Variants in AKAP9 observed in about 807,000 individuals in gnomAD.
AKAP9 encodes the protein A-kinase anchor protein 9.
Under a neutral mutation model 488.5 loss-of-function variants are expected in AKAP9, and 311 were observed. The observed-to-expected ratio is 0.64, with a 90% confidence interval of 0.58 to 0.70. The LOEUF (loss-of-function observed/expected upper bound fraction) is 0.70, where lower values mean the gene tolerates loss of function less well. AKAP9 is among the 30% of genes least tolerant of loss of function. AKAP9 has a pLI of 0.00. For missense variants in AKAP9, 4,215 were observed against 4,374.5 expected, an observed-to-expected ratio of 0.96 and a Z score of 1.03; for synonymous variants, 1,462 against 1,483.5, an observed-to-expected ratio of 0.99 and a Z score of 0.33.
intron 16 of AKAP9, among the ~76,000 whole-genome samples, chr7:92,034,688 T>C (rs1037129741): frequency 6.7e-6 from 1 of 150,168 alleles, no homozygotes. Context: ...TTTTTTTTTT[T>C]AGTAGAGATG....
In AKAP9 at chr7:92,032,523, A is replaced by G. The variant is rs551160526; in HGVS notation, c.4338+919A>G. Among the ~76,000 whole-genome samples, 7 of 151,914 alleles carry G rather than the reference A, an allele frequency of 4.6e-5. No individual in the cohort carries two copies. In the South Asian group the frequency reaches 1.2e-3, roughly 27 times the overall value. ...AAAAAAAAAAAAAAAAGATATATGTATATATGAACTATTGAATTATGAGTT... is the reference window on the plus strand; with the variant it reads ...AAAAAAAAAAAAAAAAGATATATGTGTATATGAACTATTGAATTATGAGTT... On this transcript the variant is annotated intron_variant, in intron 16 of 49. Transcript: ENST00000356239.
rs750350575 is a variant in AKAP9 at position 92,012,558 on chromosome 7, C to T, written c.3448C>T (p.Leu1150Phe). The change falls in exon 9 of 50, where the codon CTT becomes TTT. Residue 1150 changes from leucine to phenylalanine, a missense_variant. Physicochemically the swap from Leu to Phe is conservative, Grantham distance 22. Around this residue, in one of 5 missense-constraint regions of AKAP9, gnomAD observed 2,361 missense variants for 2,430.0 expected, o/e 0.97. Transcript: ENST00000356239. ...DKALCSLKEELIFAQEEKIKE... is the reference protein window; with the variant it reads ...DKALCSLKEEFIFAQEEKIKE... ...AGCTCTTTGCAGTCTTAAAGAAGAG[C>T]TTATTTTTGCTCAAGAGGAAAAGAT... is the stretch of plus-strand genomic sequence containing the variant. 1.4e-5 allele frequency: 23 copies of T among 1,613,648 alleles called. No individual in the cohort carries two copies. The East Asian group carries it at 4.7e-4, about 33-fold the overall frequency.
rs1265369157 is a variant in AKAP9 at position 92,003,035 on chromosome 7, A to G, written c.3118A>G (p.Lys1040Glu). 4 of 1,613,422 alleles carry G rather than the reference A, an allele frequency of 2.5e-6. No homozygotes were observed. Among genetic ancestry groups the G allele is most frequent in the Admixed American group, 3.3e-5 (2 of 59,952 alleles). ...TGAAGGATCAGTTTCTAAAGTAAAT[A>G]AAAGTTTTGGTGAAGAATCAAAAAT... ...GAEGSVSKVN[K>E]SFGEESKIMV... The change falls in exon 8 of 50, where the codon AAA (lysine) becomes GAA (glutamate). Residue 1040 changes from lysine to glutamate, a missense_variant. Lys to Glu is a moderately conservative substitution (Grantham distance 56, BLOSUM62 1). Transcript: ENST00000356239.
chr7:92,038,788 T>C lies in AKAP9; in HGVS notation c.4692+16T>C, dbSNP rs764914445. ...TAGACAGTCTGTAAGTATGCCTCCT[T>C]GAATATAAAAAACTTATTTAAAAAT... On this transcript the variant is annotated intron_variant, in intron 17 of 49. Coordinates refer to ENST00000356239, the MANE Select transcript of AKAP9 (RefSeq NM_005751.5). The C allele has an allele frequency of 1.2e-5, 18 of 1,526,698 alleles. No individual in the cohort carries two copies. The highest frequency in any genetic ancestry group is 1.5e-5 in the Non-Finnish European group (17 of 1,110,518). 94.6% of individuals were successfully genotyped at this position (1,526,698 alleles called of 1,614,324 possible). A position where few individuals can be genotyped will look rare whatever the true frequency, so the allele number is the denominator to read the frequency against.
Position 92,079,420 on chromosome 7 carries a change from A to T in AKAP9, c.7287A>T (p.Glu2429Asp). 6.2e-7 allele frequency: 1 copy of T among 1,614,120 alleles called. No individual in the cohort carries two copies. The highest frequency in any genetic ancestry group is 8.5e-7 in the Non-Finnish European group (1 of 1,179,990). Reference sequence around the variant, plus strand: ...TTAAAATGAATCAGCTAACACAGGAATTATTCAGCTTAAAGAGAGAACGTG... The same window carrying T: ...TTAAAATGAATCAGCTAACACAGGATTTATTCAGCTTAAAGAGAGAACGTG... ...TNFKMNQLTQELFSLKRERES... is the reference protein window; with the variant it reads ...TNFKMNQLTQDLFSLKRERES... The change falls in exon 31 of 50, where the codon GAA becomes GAT. Residue 2429 changes from glutamate to aspartate, a missense_variant. Coordinates refer to ENST00000356239, the MANE Select transcript of AKAP9 (RefSeq NM_005751.5).
At chr7:91,989,351 TA>T (rs1797491907) in intron 3 of AKAP9, among the ~76,000 whole-genome samples, 1 of 152,184 alleles carries the variant, frequency 6.6e-6, no homozygotes, top group East Asian at 1.9e-4. Context: ...TCCTATTATG[TA>T]CACTAGAGAA....
Position 92,084,712 on chromosome 7 carries a change from T to C in AKAP9, c.8710+9T>C. On this transcript the variant is annotated intron_variant, in intron 34 of 49. Transcript: ENST00000356239. The stretch of plus-strand genomic sequence containing the variant: ...AGAAATATGCTCCAGTGGTAAGTTA[T>C]ATAAATATTTGTAATGTTTGTAGTA... 3.1e-6 allele frequency: 5 copies of C among 1,610,224 alleles called. No individual in the cohort carries two copies. Among genetic ancestry groups the C allele is most frequent in the Non-Finnish European group, 4.2e-6 (5 of 1,176,836 alleles).
Position 91,995,721 on chromosome 7 carries a change from T to C in AKAP9, c.851T>C (p.Leu284Ser). 2 of 1,613,790 alleles carry C rather than the reference T, an allele frequency of 1.2e-6. No homozygotes were observed. The highest frequency in any genetic ancestry group is 2.2e-5 in the South Asian group (2 of 91,076). ...CAGCTTGAAGAACAAGACCACTTAT[T>C]AGAAGATTATCAGAAAAAGAAAGAA... is the stretch of plus-strand genomic sequence containing the variant. ...QQQLEEQDHL[L>S]EDYQKKKEDF... is the part of the protein sequence containing the mutation. Residue 284 changes from leucine (L) to serine (S), a missense_variant, in exon 7 of 50, where the codon TTA becomes TCA. By Grantham distance (145) the Leu-to-Ser change is moderately radical. Around this residue, in one of 5 missense-constraint regions of AKAP9, gnomAD observed 2,361 missense variants for 2,430.0 expected, o/e 0.97. Transcript: ENST00000356239.
intron 22 of AKAP9, among the ~76,000 whole-genome samples, 191 bp downstream of exon 22, chr7:92,053,149 C>T (rs1383794538): frequency 6.6e-6 from 1 of 152,106 alleles, no homozygotes; most frequent in Non-Finnish European, 1.5e-5. Flanking sequence ...ATACTGAATT[C>T]CTACATGATC....
chr7:91,974,069 G>T, intron 2 of AKAP9, 101 bp downstream of exon 2: 1 of 1,424,918 alleles, frequency 7.0e-7, no homozygotes. Context: ...TGATTTTTAT[G>T]TCCTCTTGAA....
intron 2 of AKAP9, among the ~76,000 whole-genome samples, chr7:91,975,616 T>C (rs1383900082): frequency 6.6e-6 from 1 of 152,190 alleles, no homozygotes; most frequent in African/African-American, 2.4e-5. Context: ...GTCGATGTTC[T>C]TTTTTCTTTT....
chr7:92,085,001 C>G, intron 35 of AKAP9, 61 bp downstream of exon 35: 1 of 1,567,938 alleles, frequency 6.4e-7, no homozygotes, highest in Non-Finnish European at 8.8e-7. Flanking sequence ...TTGAACATAG[C>G]AGTTCATTAG....
chr7:92,036,063 TTGTCTTTATTTTA>T (rs887446298), intron 16 of AKAP9, among the ~76,000 whole-genome samples: 3 of 151,930 alleles, frequency 2.0e-5, no homozygotes, highest in African/African-American at 7.2e-5. Context: ...TGTTTTTTAG[TTGTCTTTATTTTA>T]TGTCTTTATT....
rs768443350 is a variant in AKAP9 at position 92,079,725 on chromosome 7, T to C, written c.7592T>C (p.Phe2531Ser). ...AAAGACATGCAAGAACAAGGCCAGT[T>C]TGAAACAGAAATGCTTCAAAAGAAG... The part of the protein sequence containing the change: ...QIKDMQEQGQ[F>S]ETEMLQKKIV... Residue 2531 changes from phenylalanine to serine, a missense_variant, in exon 31 of 50, where the codon TTT (phenylalanine) becomes TCT (serine). Around this residue, in one of 5 missense-constraint regions of AKAP9, gnomAD observed 1,476 missense variants for 1,477.4 expected, o/e 1.00. Coordinates refer to ENST00000356239, the MANE Select transcript of AKAP9 (RefSeq NM_005751.5). The C allele has an allele frequency of 9.9e-6, 16 of 1,613,970 alleles. No homozygotes were observed. Among genetic ancestry groups the C allele is most frequent in the South Asian group, 2.2e-5 (2 of 91,084 alleles).
chr7:92,065,785 T>C (rs1186771134), intron 25 of AKAP9, among the ~76,000 whole-genome samples: 1 of 152,100 alleles, frequency 6.6e-6, no homozygotes, highest in African/African-American at 2.4e-5. Flanking sequence ...CAGACTAAGA[T>C]AGGCAAAGAG....
rs148652159 is a variant in AKAP9, at chr7:91,972,295, G to A, written c.49-1416G>A. On this transcript the variant is annotated intron_variant, in intron 1 of 49. Transcript: ENST00000356239. ...GTCTTGCCTTCCCGCTTTGTCTCTG[G>A]CTGTTAGGAATATTTCTCCCTTCAG... Among the ~76,000 whole-genome samples the A allele has an allele frequency of 5.7e-3, 867 of 152,210 alleles. 9 individuals are homozygous for A. The highest frequency in any genetic ancestry group is 0.041 in the Middle Eastern group (12 of 294).
intron 28 of AKAP9, among the ~76,000 whole-genome samples, chr7:92,075,000 G>A (rs889989578): frequency 6.6e-6 from 1 of 151,856 alleles, no homozygotes; most frequent in African/African-American, 2.4e-5. Context: ...TCCCAGAAAA[G>A]TATAATTTTT....
chr7:92,102,159 A>C (rs1817606753), intron 45 of AKAP9, among the ~76,000 whole-genome samples: 1 of 102,002 alleles, frequency 9.8e-6, no homozygotes, highest in Admixed American at 9.0e-5. Flanking sequence ...CCGTCTCATA[A>C]ATTTAAAAAA....
chr7:92,058,226 G>C (rs2130814939), intron 22 of AKAP9: 1 of 591,804 alleles, frequency 1.7e-6, no homozygotes. Context: ...GTGGTTAGAA[G>C]AGCAAGATGA....
Sources: gnomAD v4.1 joint callset for allele counts (sites outside exome capture counted in the v4.1 genomes callset) on GRCh38, gnomAD v4.1.1 for gene constraint, gnomAD v4.1.1 regional missense constraint, MANE v1.5 for transcripts, NCBI Gene and HGNC (gene_info 2026-07-23, HGNC 2026-07-21) for gene names.